DNAJC5: variants seen among roughly 807,000 people sequenced by gnomAD.
The protein encoded by DNAJC5 is DnaJ heat shock protein family (Hsp40) member C5, also known as dnaJ homolog subfamily C member 5.
A neutral mutation model predicts 23.2 loss-of-function variants in DNAJC5; 1 was observed. The observed-to-expected ratio is 0.04, with a 90% CI of 0.02 to 0.20. DNAJC5 has a LOEUF of 0.20. Ranked by LOEUF, DNAJC5 falls within the 10% of genes least tolerant of loss-of-function variation. The pLI is 1.00. For synonymous variants in DNAJC5, 136 were observed against 120.0 expected, an observed-to-expected ratio of 1.13 and a Z score of -0.87; for missense variants, 180 against 267.0, an observed-to-expected ratio of 0.67 and a Z score of 2.27.
intron 1 of DNAJC5, among the ~76,000 whole-genome samples, chr20:63,923,031 T>G (rs2053584656): frequency 6.6e-6 from 1 of 151,856 alleles, no homozygotes; most frequent in African/African-American, 2.4e-5. Context: ...GTCCCAGCTA[T>G]TCAGGAGGCT....
rs1236334441 is a variant in DNAJC5 at position 63,933,331 on chromosome 20, G to A, written c.*1763G>A. The A allele has an allele frequency of 6.6e-6, 1 of 152,344 alleles. No homozygotes were observed. The highest frequency in any genetic ancestry group is 1.9e-4 in the East Asian group (1 of 5,320). 9.4% of individuals were successfully genotyped at this position (152,344 alleles called of 1,614,324 possible). A position where few individuals can be genotyped will look rare whatever the true frequency, so the allele number is the denominator to read the frequency against. On this transcript the variant is annotated 3_prime_UTR_variant, in exon 5 of 5. Transcript: ENST00000360864. ...CATGGATATGAGGATACATCTGGAC[G>A]TGCTTAGGAACAGGGTGCTGGTTGA... is the stretch of plus-strand genomic sequence containing the variant.
intron 1 of DNAJC5, among the ~76,000 whole-genome samples, chr20:63,927,603 G>C (rs947434686): frequency 6.6e-6 from 1 of 152,070 alleles, no homozygotes; most frequent in African/African-American, 2.4e-5. Flanking sequence ...GTGAAGATCA[G>C]GTCATGGTGG....
chr20:63,910,117 G>T (rs906591169), intron 1 of DNAJC5, among the ~76,000 whole-genome samples: 1 of 152,166 alleles, frequency 6.6e-6, no homozygotes, highest in Non-Finnish European at 1.5e-5. Flanking sequence ...TGTTCCTGGG[G>T]GTGCTTGCTT....
chr20:63,926,015 A>C (rs775295668), intron 1 of DNAJC5, among the ~76,000 whole-genome samples: 5 of 151,868 alleles, frequency 3.3e-5, no homozygotes, highest in Non-Finnish European at 7.4e-5. Context: ...TTTTTATTAG[A>C]GATGGGGTTT....
intron 1 of DNAJC5, among the ~76,000 whole-genome samples, chr20:63,910,233 C>T (rs561000166): frequency 2.6e-5 from 4 of 152,106 alleles, no homozygotes; most frequent in Non-Finnish European, 5.9e-5. Context: ...TTTTTGTCTG[C>T]TGTTTGCACC....
chr20:63,931,744 A>G lies in DNAJC5; in HGVS notation c.*176A>G, dbSNP rs1600889189. On this transcript the variant is annotated 3_prime_UTR_variant, in exon 5 of 5. Coordinates refer to ENST00000360864, the MANE Select transcript of DNAJC5 (RefSeq NM_025219.3). The surrounding 1 kb of genome is among the most constrained non-coding windows in gnomAD (Gnocchi z 9.6). ...ACCCTTGACCCACGAAGTGCGTAGC[A>G]TGCAGTATTTAAAGCAGTGTAGCTA... The G allele has an allele frequency of 4.4e-6, 3 of 680,312 alleles. No homozygotes were observed. Among genetic ancestry groups the G allele is most frequent in the African/African-American group, 1.8e-5 (1 of 56,160 alleles). The allele number at this position is 680,312 out of a possible 1,614,324, so 42.1% of individuals were successfully genotyped here.
intron 1 of DNAJC5, among the ~76,000 whole-genome samples, chr20:63,918,681 T>C (rs1053582839): frequency 5.3e-5 from 8 of 152,240 alleles, no homozygotes; most frequent in Admixed American, 2.6e-4. Flanking sequence ...CGGCAAGCTC[T>C]ACCTCCCAGG....
rs2053651137 is a variant in DNAJC5, at chr20:63,929,832, A to G, written c.321+307A>G. Among the ~76,000 whole-genome samples, 1 of 151,938 alleles carries G rather than the reference A, an allele frequency of 6.6e-6. No individual in the cohort carries two copies. The highest frequency in any genetic ancestry group is 1.5e-5 in the Non-Finnish European group (1 of 67,976). On this transcript the variant is annotated intron_variant, in intron 3 of 4. Coordinates refer to ENST00000360864, the MANE Select transcript of DNAJC5 (RefSeq NM_025219.3). This position sits in a 1 kb window ranked among gnomAD's most constrained non-coding sequence, Gnocchi z 8.6. ...CATGCGTTGATGCCAGCAACTCTAC[A>G]CTCCTGAGAAAAGGCTTCTGGGCAT... is the stretch of plus-strand genomic sequence containing the variant.
intron 1 of DNAJC5, among the ~76,000 whole-genome samples, chr20:63,926,059 A>G (rs2053613213): frequency 6.6e-6 from 1 of 152,010 alleles, no homozygotes; most frequent in African/African-American, 2.4e-5. Flanking sequence ...CAATCTCCTG[A>G]TCTCGTGATC....
chr20:63,899,653 C>G (rs924044694), intron 1 of DNAJC5, among the ~76,000 whole-genome samples: 3 of 152,184 alleles, frequency 2.0e-5, no homozygotes, highest in African/African-American at 7.2e-5. Context: ...GTGACCTTGG[C>G]TCACTGCAAC....
chr20:63,930,363 T>C (rs1185654495), intron 3 of DNAJC5, among the ~76,000 whole-genome samples: 1 of 152,098 alleles, frequency 6.6e-6, no homozygotes, highest in Non-Finnish European at 1.5e-5. Flanking sequence ...TTGTTTTTTT[T>C]TTGAGACGGA....
Position 63,935,363 on chromosome 20 carries a change from T to A in DNAJC5, c.*3795T>A, listed in dbSNP as rs901495442. 1.3e-5 allele frequency: 2 copies of A among 152,266 alleles called. No individual in the cohort carries two copies. Among genetic ancestry groups the A allele is most frequent in the African/African-American group, 2.4e-5 (1 of 41,446 alleles). 9.4% of individuals were successfully genotyped at this position (152,266 alleles called of 1,614,324 possible). A position where few individuals can be genotyped will look rare whatever the true frequency, so the allele number is the denominator to read the frequency against. On this transcript the variant is annotated 3_prime_UTR_variant, in exon 5 of 5. Coordinates refer to ENST00000360864, the MANE Select transcript of DNAJC5 (RefSeq NM_025219.3). ...CCAGCAGGTGCACAGAAGGAAGCGC[T>A]GAGCCCACTGTGTGCAGAGGGTGTG...
At chr20:63,916,809 G>C (rs1263268011) in intron 1 of DNAJC5, among the ~76,000 whole-genome samples, 3 of 152,134 alleles carry the variant, frequency 2.0e-5, no homozygotes, top group African/African-American at 4.8e-5. Flanking sequence ...ATTAATTCTT[G>C]CTAGGAAAAG....
At chr20:63,925,126 G>A (rs942833639) in intron 1 of DNAJC5, among the ~76,000 whole-genome samples, 10 of 152,164 alleles carry the variant, frequency 6.6e-5, no homozygotes, top group African/African-American at 1.2e-4. Flanking sequence ...CGGAGTGCTT[G>A]CAGAGCTTGC....
intron 1 of DNAJC5, among the ~76,000 whole-genome samples, chr20:63,912,749 A>G (rs1471245336): frequency 6.6e-6 from 1 of 152,204 alleles, no homozygotes; most frequent in African/African-American, 2.4e-5. Flanking sequence ...CTGGGACTAC[A>G]GGCGCCTGCC....
chr20:63,929,636 G>A lies in DNAJC5; in HGVS notation c.321+111G>A, dbSNP rs926905239. 21 of 1,027,544 alleles carry A rather than the reference G, an allele frequency of 2.0e-5. No individual in the cohort carries two copies. The highest frequency in any genetic ancestry group is 7.8e-5 in the East Asian group (3 of 38,394). The allele number at this position is 1,027,544 out of a possible 1,614,324, so 63.7% of individuals were successfully genotyped here. On this transcript the variant is annotated intron_variant, in intron 3 of 4. Transcript: ENST00000360864. The surrounding 1 kb of genome is among the most constrained non-coding windows in gnomAD (Gnocchi z 8.6). ...AGTCACTCCTGCCGTGCGGGCACCC[G>A]AGTCTCTCCTGCCGTGCGGGCACCC...
chr20:63,931,866 C>T lies in DNAJC5; in HGVS notation c.*298C>T, dbSNP rs915298444. On this transcript the variant is annotated 3_prime_UTR_variant, in exon 5 of 5. Transcript: ENST00000360864. The surrounding 1 kb of genome is among the most constrained non-coding windows in gnomAD (Gnocchi z 9.6). Reference sequence around the variant, plus strand: ...CCGCGGCATGACCGCGTGAACTGCACGGTGGAGCTGCCTCAGGGCTGTCGG... The same window carrying T: ...CCGCGGCATGACCGCGTGAACTGCATGGTGGAGCTGCCTCAGGGCTGTCGG... 30 of 437,138 alleles carry T rather than the reference C, an allele frequency of 6.9e-5. No individual in the cohort carries two copies. Among genetic ancestry groups the T allele is most frequent in the African/African-American group, 1.0e-4 (5 of 49,726 alleles). 27.1% of individuals were successfully genotyped at this position (437,138 alleles called of 1,614,324 possible).
At chr20:63,913,529 T>TTACAGTA (rs2053496930) in intron 1 of DNAJC5, among the ~76,000 whole-genome samples, 1 of 152,036 alleles carries the variant, frequency 6.6e-6, no homozygotes, top group Non-Finnish European at 1.5e-5. Context: ...TCTGAGTAGC[T>TTACAGTA]GGGACTATAG....
intron 1 of DNAJC5, among the ~76,000 whole-genome samples, chr20:63,927,540 C>A (rs1007776871): frequency 3.4e-5 from 5 of 149,236 alleles, no homozygotes; most frequent in Middle Eastern, 3.5e-3. Context: ...AACTGTCCCC[C>A]CCCCCAAAAA....
Sources: gnomAD v4.1 joint callset for allele counts (sites outside exome capture counted in the v4.1 genomes callset) on GRCh38, gnomAD v4.1.1 for gene constraint, Gnocchi (gnomAD v3.1) non-coding constraint, MANE v1.5 for transcripts, NCBI Gene and HGNC (gene_info 2026-07-23, HGNC 2026-07-21) for gene names.